MINK1: variants seen among roughly 807,000 people sequenced by gnomAD.
MINK1 encodes misshapen like kinase 1, also known as misshapen-like kinase 1.
Under a neutral mutation model 178.4 loss-of-function variants are expected in MINK1, and 46 were observed. The ratio of observed to expected loss-of-function variants is 0.26; its 90% confidence interval spans 0.20 to 0.33. MINK1 has a LOEUF of 0.33. MINK1 is among the 10% of genes least tolerant of loss of function. The pLI is 1.00. For missense variants in MINK1, 1,366 were observed against 1,814.9 expected (o/e 0.75, Z 4.49); for synonymous variants, 797 against 709.7 (o/e 1.12, Z -1.96).
At chr17:4,871,988 A>G (rs1408415345) in intron 1 of MINK1, among the ~76,000 whole-genome samples, 1 of 152,158 alleles carries the variant, frequency 6.6e-6, no homozygotes, top group African/African-American at 2.4e-5. Flanking sequence ...AATACAAATC[A>G]AAACCACAAT....
Position 4,895,080 on chromosome 17 carries a change from G to A in MINK1, c.2923G>A (p.Val975Met). Residue 975 changes from valine to methionine, a missense_variant, in exon 25 of 32, where the codon GTG (valine) becomes ATG (methionine). Val to Met is a conservative substitution (Grantham distance 21, BLOSUM62 1). Coordinates refer to ENST00000355280, the MANE Select transcript of MINK1 (RefSeq NM_153827.5). This position sits in a 1 kb window ranked among gnomAD's most constrained non-coding sequence, Gnocchi z 4.3. ...CCTCCTCCTCCTTCTGGCAGCCCTAGTGGGTGGAGAGGGCACTCGGCTCGA... is the reference window on the plus strand; with the variant it reads ...CCTCCTCCTCCTTCTGGCAGCCCTAATGGGTGGAGAGGGCACTCGGCTCGA... ...SGDSIPITAL[V>M]GGEGTRLDQL... The A allele has an allele frequency of 3.7e-6, 6 of 1,613,562 alleles. No homozygotes were observed. The highest frequency in any genetic ancestry group is 4.2e-6 in the Non-Finnish European group (5 of 1,179,974).
intron 31 of MINK1, 43 bp from the exon 32 acceptor site, chr17:4,897,161 C>G (rs1256471416): frequency 1.9e-6 from 3 of 1,562,216 alleles, no homozygotes; most frequent in Non-Finnish European, 1.8e-6. Flanking sequence ...GAGACACCCC[C>G]CCAACCTCAG....
chr17:4,851,993 C>A (rs1352630366), intron 1 of MINK1, among the ~76,000 whole-genome samples: 1 of 79,616 alleles, frequency 1.3e-5, no homozygotes, highest in Non-Finnish European at 2.2e-5. Context: ...GAGTGAGACT[C>A]TGTCTCAAAA....
At chr17:4,889,414 C>A (rs546536513) in intron 12 of MINK1, among the ~76,000 whole-genome samples, 43 of 152,256 alleles carry the variant, frequency 2.8e-4, no homozygotes, top group African/African-American at 9.9e-4. Context: ...AAGCCCACCC[C>A]ACAGGCAGCA....
chr17:4,896,254 G>A lies in MINK1; in HGVS notation c.3527G>A (p.Arg1176Gln), dbSNP rs774988040. Residue 1176 changes from arginine (R) to glutamine (Q), a missense_variant, in exon 29 of 32, where the codon CGG (arginine) becomes CAG (glutamine). Physicochemically the swap from Arg to Gln is conservative, Grantham distance 43 (BLOSUM62 1). Transcript: ENST00000355280. This position sits in a 1 kb window ranked among gnomAD's most constrained non-coding sequence, Gnocchi z 4.6. Reference protein sequence around the residue: ...LVDLTVEEGQRLKVIYGSSAG... With the variant: ...LVDLTVEEGQQLKVIYGSSAG... ...GACCTGACAGTAGAGGAGGGGCAGC[G>A]GCTCAAGGTCATCTATGGCTCCAGT... 17 of 1,607,182 alleles carry A rather than the reference G, an allele frequency of 1.1e-5. No homozygotes were observed. The highest frequency in any genetic ancestry group is 3.4e-5 in the Admixed American group (2 of 59,418).
chr17:4,864,149 C>T (rs1044319754), intron 1 of MINK1, among the ~76,000 whole-genome samples: 2 of 151,756 alleles, frequency 1.3e-5, no homozygotes, highest in Non-Finnish European at 2.9e-5. Context: ...CCTGTAATCC[C>T]GGCACTTTGG....
intron 1 of MINK1, chr17:4,875,101 G>A (rs763280852): frequency 3.7e-5 from 19 of 519,996 alleles, no homozygotes; most frequent in South Asian, 1.5e-4. Context: ...GCAGCAGTCA[G>A]TTCAGACGCC....
At chr17:4,863,480 A>C (rs778104148) in intron 1 of MINK1, among the ~76,000 whole-genome samples, 2 of 152,056 alleles carry the variant, frequency 1.3e-5, no homozygotes, top group African/African-American at 4.8e-5. Flanking sequence ...TCAGGAACTC[A>C]TGTCTTAAAC....
intron 1 of MINK1, among the ~76,000 whole-genome samples, chr17:4,862,315 G>C (rs1490422592): frequency 6.6e-6 from 1 of 152,150 alleles, no homozygotes; most frequent in African/African-American, 2.4e-5. Flanking sequence ...TGTAAAGTGA[G>C]AATAATAATA....
chr17:4,886,460 GTTCATTGAC>G lies in MINK1; in HGVS notation c.793_801del (p.Phe265_Asp267del). ...CCACCACTGTTTCCAGGTCTAAGAA[GTTCATTGAC>G]TTCATTGACACATGTCTCATCAAGA... On this transcript the variant is annotated inframe_deletion, in exon 10 of 32. Coordinates refer to ENST00000355280, the MANE Select transcript of MINK1 (RefSeq NM_153827.5). The surrounding 1 kb of genome is among the most constrained non-coding windows in gnomAD (Gnocchi z 6.1). The G allele has an allele frequency of 6.2e-7, 1 of 1,606,354 alleles. No homozygotes were observed. Among genetic ancestry groups the G allele is most frequent in the Non-Finnish European group, 8.5e-7 (1 of 1,176,076 alleles).
At chr17:4,839,398 G>A (rs1014684348) in intron 1 of MINK1, among the ~76,000 whole-genome samples, 8 of 152,062 alleles carry the variant, frequency 5.3e-5, no homozygotes, top group African/African-American at 1.4e-4. Flanking sequence ...CACTCCCTTC[G>A]ACACCTACTT....
intron 1 of MINK1, among the ~76,000 whole-genome samples, chr17:4,852,487 C>T (rs945444594): frequency 6.6e-6 from 1 of 151,188 alleles, no homozygotes; most frequent in Non-Finnish European, 1.5e-5. Context: ...GGCACAGGCA[C>T]GAGGCATCCA....
At chr17:4,846,058 A>G (rs1910977797) in intron 1 of MINK1, among the ~76,000 whole-genome samples, 1 of 152,196 alleles carries the variant, frequency 6.6e-6, no homozygotes, top group South Asian at 2.1e-4. Context: ...GGAAAAAGGG[A>G]GGGAGTGACA....
intron 1 of MINK1, among the ~76,000 whole-genome samples, chr17:4,871,808 A>G (rs575100372): frequency 9.3e-4 from 142 of 152,296 alleles, no homozygotes; most frequent in Non-Finnish European, 1.8e-3. Flanking sequence ...TGACAATTTC[A>G]GTTTCTCCAT....
At chr17:4,879,256 G>A (rs1255291638) in intron 2 of MINK1, among the ~76,000 whole-genome samples, 6 of 151,984 alleles carry the variant, frequency 3.9e-5, no homozygotes, top group Non-Finnish European at 8.8e-5. Context: ...ACTTGGATGG[G>A]GGGAGCTGCT....
intron 1 of MINK1, among the ~76,000 whole-genome samples, chr17:4,834,377 G>T (rs1270124653): frequency 6.6e-6 from 1 of 152,082 alleles, no homozygotes; most frequent in East Asian, 1.9e-4. Flanking sequence ...CTGGGAAGAG[G>T]ATGTTTACAC....
chr17:4,879,310 T>C lies in MINK1; in HGVS notation c.123+928T>C, dbSNP rs184326862. Among the ~76,000 whole-genome samples, 76 of 152,346 alleles carry C rather than the reference T, an allele frequency of 5.0e-4. 1 individual carries two copies. Among genetic ancestry groups the C allele is most frequent in the Admixed American group, 1.7e-3 (26 of 15,306 alleles). Reference sequence around the variant, plus strand: ...GCTCAGGGTGAATGCTGCCTCTGACTGGAGCCCCCTGGGGCCCGTGGCTTT... The same window carrying C: ...GCTCAGGGTGAATGCTGCCTCTGACCGGAGCCCCCTGGGGCCCGTGGCTTT... On this transcript the variant is annotated intron_variant, in intron 2 of 31. Coordinates refer to ENST00000355280, the MANE Select transcript of MINK1 (RefSeq NM_153827.5).
At position 4,887,197 on chromosome 17, in the gene MINK1, A is replaced by C. The variant is rs372318157; in HGVS notation, c.1019+18A>C. 2 of 1,589,644 alleles carry C rather than the reference A, an allele frequency of 1.3e-6. No homozygotes were observed. Among genetic ancestry groups the C allele is most frequent in the African/African-American group, 1.4e-5 (1 of 73,808 alleles). ...GAGCCAAGGTAGGCCTGGCAGGTGGAGTGGGGGTTGGGGCGGTCATCGCTG... is the reference window on the plus strand; with the variant it reads ...GAGCCAAGGTAGGCCTGGCAGGTGGCGTGGGGGTTGGGGCGGTCATCGCTG... On this transcript the variant is annotated intron_variant, in intron 11 of 31. Transcript: ENST00000355280. The surrounding 1 kb of genome is among the most constrained non-coding windows in gnomAD (Gnocchi z 7.6).
rs1340539773 is a variant in MINK1, at chr17:4,861,119, G to A, written c.58-17198G>A. 3.3e-5 allele frequency among the ~76,000 whole-genome samples: 5 copies of A among 152,120 alleles called. 1 individual carries two copies. The highest frequency in any genetic ancestry group is 1.9e-4 in the East Asian group (1 of 5,182). On this transcript the variant is annotated intron_variant, in intron 1 of 31. Transcript: ENST00000355280. The stretch of plus-strand genomic sequence containing the variant: ...AAATCAGCGACGATTTGGTGACCTC[G>A]TATATACTCAGAACATACCTGGAGC...
Sources: allele counts gnomAD v4.1 joint callset (sites outside exome capture counted in the v4.1 genomes callset), GRCh38; gene constraint gnomAD v4.1.1; non-coding constraint Gnocchi (gnomAD v3.1); transcripts MANE v1.5; gene names NCBI Gene and HGNC (gene_info 2026-07-23, HGNC 2026-07-21).